The following RIMS2 variants were observed in gnomAD, a reference collection of about 807,000 sequenced individuals.
RIMS2 encodes regulating synaptic membrane exocytosis 2.
A neutral mutation model predicts 174.4 loss-of-function variants in RIMS2; 59 were observed. That is an observed-to-expected ratio of 0.34 (90% confidence interval 0.27 to 0.42). The LOEUF is 0.42. RIMS2 is among the 10% of genes least tolerant of loss of function. RIMS2 has a pLI of 1.00. For missense variants in RIMS2, 1,620 were observed against 1,666.3 expected (o/e 0.97, Z 0.48); for synonymous variants, 606 against 572.5 (o/e 1.06, Z -0.84).
intron 1 of RIMS2, among the ~76,000 whole-genome samples, chr8:103,634,005 G>T (rs945377390): frequency 2.0e-5 from 3 of 152,034 alleles, no homozygotes; most frequent in African/African-American, 7.2e-5. Flanking sequence ...AATTTTTCGT[G>T]TCTTGATTTC....
At chr8:103,808,390 G>C (rs566783238) in intron 3 of RIMS2, among the ~76,000 whole-genome samples, 1 of 152,042 alleles carries the variant, frequency 6.6e-6, no homozygotes, top group South Asian at 2.1e-4. Context: ...TCTTATTTGC[G>C]TGTTTTTCCT....
At chr8:104,162,108 T>C (rs1038746371) in intron 19 of RIMS2, among the ~76,000 whole-genome samples, 14 of 152,196 alleles carry the variant, frequency 9.2e-5, no homozygotes, top group African/African-American at 3.4e-4. Context: ...CCTTTTGCTA[T>C]GTAATGTGGC....
At chr8:104,007,610 G>C (rs1160298738) in intron 17 of RIMS2, among the ~76,000 whole-genome samples, 2 of 152,052 alleles carry the variant, frequency 1.3e-5, no homozygotes, top group African/African-American at 2.4e-5. Context: ...ATATCAAGCA[G>C]ACTTATTTCA....
intron 19 of RIMS2, among the ~76,000 whole-genome samples, chr8:104,191,302 T>C (rs1323179913): frequency 1.3e-5 from 2 of 152,114 alleles, no homozygotes; most frequent in Non-Finnish European, 2.9e-5. Flanking sequence ...TCACAAAATA[T>C]AGCTGTTTTA....
intron 3 of RIMS2, among the ~76,000 whole-genome samples, chr8:103,875,771 T>G (rs541746427): frequency 6.6e-6 from 1 of 152,040 alleles, no homozygotes; most frequent in South Asian, 2.1e-4. Context: ...TGCCAACATC[T>G]ATTGTTTTCT....
intron 1 of RIMS2, among the ~76,000 whole-genome samples, chr8:103,501,987 A>G (rs1820384338): frequency 6.6e-6 from 1 of 152,238 alleles, no homozygotes; most frequent in African/African-American, 2.4e-5. Flanking sequence ...ATTTGTTTCT[A>G]CAAGGTTTGC....
chr8:104,189,545 TAGAGAA>T (rs539268768), intron 19 of RIMS2, among the ~76,000 whole-genome samples: 423 of 149,732 alleles, frequency 2.8e-3, no homozygotes, highest in South Asian at 5.0e-3. Flanking sequence ...CTAAACTGGA[TAGAGAA>T]AGAGAAAGAG....
intron 13 of RIMS2, among the ~76,000 whole-genome samples, chr8:103,940,980 T>C (rs1322357777): frequency 1.3e-5 from 2 of 152,116 alleles, no homozygotes; most frequent in Non-Finnish European, 2.9e-5. Flanking sequence ...GGGTTTATAT[T>C]CCTGGCACTA....
intron 14 of RIMS2, among the ~76,000 whole-genome samples, chr8:103,954,471 T>C (rs932437697): frequency 6.6e-5 from 10 of 152,140 alleles, no homozygotes; most frequent in Non-Finnish European, 1.3e-4. Context: ...CACAACTACA[T>C]GGAAACTGAA....
At chr8:103,613,147 C>T (rs886717992) in intron 1 of RIMS2, among the ~76,000 whole-genome samples, 2 of 152,118 alleles carry the variant, frequency 1.3e-5, no homozygotes, top group Non-Finnish European at 2.9e-5. Flanking sequence ...TTTCCCAGGC[C>T]CTGGTTGAGT....
At chr8:103,689,905 T>A (rs967356021) in intron 1 of RIMS2, among the ~76,000 whole-genome samples, 2 of 59,358 alleles carry the variant, frequency 3.4e-5, no homozygotes, top group Non-Finnish European at 6.2e-5. Flanking sequence ...AATATTGGAT[T>A]TTTTGTTTGA....
chr8:103,917,896 A>G (rs1351744865), intron 8 of RIMS2, among the ~76,000 whole-genome samples: 1 of 152,096 alleles, frequency 6.6e-6, no homozygotes, highest in Non-Finnish European at 1.5e-5. Context: ...TTGAACCCAG[A>G]AAGTGGAGGT....
At chr8:103,752,378 G>T (rs2097904789) in intron 2 of RIMS2, among the ~76,000 whole-genome samples, 2 of 152,284 alleles carry the variant, frequency 1.3e-5, no homozygotes, top group South Asian at 2.1e-4. Flanking sequence ...TAGAAGTCAG[G>T]TAGCGTGATG....
intron 16 of RIMS2, among the ~76,000 whole-genome samples, chr8:103,983,246 T>C (rs1372167005): frequency 6.6e-6 from 1 of 152,194 alleles, no homozygotes. Context: ...AAATTGAAGA[T>C]GGCACACACA....
At chr8:103,564,847 TCAATC>T (rs2092132361) in intron 1 of RIMS2, among the ~76,000 whole-genome samples, 1 of 152,170 alleles carries the variant, frequency 6.6e-6, no homozygotes, top group South Asian at 2.1e-4. Context: ...TTTGCATCCT[TCAATC>T]CAATCAAGTT....
intron 3 of RIMS2, among the ~76,000 whole-genome samples, chr8:103,838,829 G>T (rs1465484421): frequency 6.6e-6 from 1 of 152,198 alleles, no homozygotes; most frequent in East Asian, 1.9e-4. Context: ...ACTTTGGGAG[G>T]CCGAGGCGGG....
chr8:103,786,243 T>G (rs1414820495), intron 3 of RIMS2, among the ~76,000 whole-genome samples: 1 of 152,248 alleles, frequency 6.6e-6, no homozygotes, highest in Non-Finnish European at 1.5e-5. Context: ...ATTAATTTTT[T>G]GAAGGGTTTT....
Position 104,184,054 on chromosome 8 carries a change from T to C in RIMS2, c.3335-60862T>C, listed in dbSNP as rs115544058. ...GCCATGGTCTATAAACATGAAAGCA[T>C]GGGAGTTGTCCACACACCCCACAAA... On this transcript the variant is annotated intron_variant, in intron 19 of 23. Transcript: ENST00000504942. Among the ~76,000 whole-genome samples the C allele has an allele frequency of 4.6e-3, 698 of 151,706 alleles. 9 individuals carry two copies. Among genetic ancestry groups the C allele is most frequent in the African/African-American group, 0.016 (656 of 41,500 alleles).
In RIMS2 at chr8:103,639,751, T is replaced by C. The variant is rs568847776; in HGVS notation, c.177-57335T>C. Among the ~76,000 whole-genome samples the C allele has an allele frequency of 2.5e-3, 378 of 152,066 alleles. 1 individual carries two copies. The highest frequency in any genetic ancestry group is 3.4e-3 in the Non-Finnish European group (231 of 67,828). ...ATTATGAATAAAACTGCTAGAAACATTGATGTATAGGTTTTTGTGTGAACA... is the reference window on the plus strand; with the variant it reads ...ATTATGAATAAAACTGCTAGAAACACTGATGTATAGGTTTTTGTGTGAACA... On this transcript the variant is annotated intron_variant, in intron 1 of 23. Coordinates refer to ENST00000504942, the Ensembl canonical transcript of RIMS2.
Sources: gnomAD v4.1 joint callset for allele counts (sites outside exome capture counted in the v4.1 genomes callset) on GRCh38, gnomAD v4.1.1 for gene constraint, MANE v1.5 for transcripts, NCBI Gene and HGNC (gene_info 2026-07-23, HGNC 2026-07-21) for gene names.